The following CAMK1D variants were observed in gnomAD, a reference collection of about 807,000 sequenced individuals.
CAMK1D encodes the protein calcium/calmodulin-dependent protein kinase type 1D.
Under a neutral mutation model 47.7 loss-of-function variants are expected in CAMK1D, and 9 were observed. The ratio of observed to expected loss-of-function variants is 0.19; its 90% CI spans 0.11 to 0.33. CAMK1D has a LOEUF of 0.33. Ranked by LOEUF, CAMK1D falls within the 10% of genes least tolerant of loss-of-function variation. The pLI is 1.00. For synonymous variants in CAMK1D, 184 were observed against 184.9 expected, an observed-to-expected ratio of 0.99 and a Z score of 0.04; for missense variants, 291 against 488.7, an observed-to-expected ratio of 0.60 and a Z score of 3.81.
intron 1 of CAMK1D, among the ~76,000 whole-genome samples, chr10:12,364,998 C>T (rs1448906897): frequency 6.6e-6 from 1 of 151,730 alleles, no homozygotes; most frequent in Admixed American, 6.6e-5. Context: ...TCACTGTCAC[C>T]CAGGCTGGAG....
At chr10:12,443,029 C>A (rs545878246) in intron 1 of CAMK1D, among the ~76,000 whole-genome samples, 4 of 152,224 alleles carry the variant, frequency 2.6e-5, no homozygotes, top group African/African-American at 9.6e-5. Flanking sequence ...CGTTTCCCAT[C>A]AATTTTGAGC....
intron 2 of CAMK1D, among the ~76,000 whole-genome samples, chr10:12,652,452 G>T (rs917733097): frequency 6.6e-6 from 1 of 151,466 alleles, no homozygotes; most frequent in Non-Finnish European, 1.5e-5. Flanking sequence ...GCCGGGCGTG[G>T]TGGCGGGCGC....
At chr10:12,513,698 G>A (rs1399229448) in intron 1 of CAMK1D, among the ~76,000 whole-genome samples, 1 of 152,176 alleles carries the variant, frequency 6.6e-6, no homozygotes, top group Non-Finnish European at 1.5e-5. Context: ...CTACTCGGGA[G>A]GCTGAGGTGG....
At position 12,687,127 on chromosome 10, in the gene CAMK1D, T is replaced by C. The variant is rs961639239; in HGVS notation, c.299+20317T>C. On this transcript the variant is annotated intron_variant, in intron 3 of 10. Coordinates refer to ENST00000619168, the MANE Select transcript of CAMK1D (RefSeq NM_153498.4). ...AATATACTTGAAATAGGAAGAGACC[T>C]GAAGTGGTCCACTCTCAGAACATAT... Among the ~76,000 whole-genome samples, 4 of 152,154 alleles carry C rather than the reference T, an allele frequency of 2.6e-5. No homozygotes were observed. The South Asian group carries it at 8.3e-4, about 32-fold the overall frequency.
chr10:12,469,432 A>G (rs888816369), intron 1 of CAMK1D, among the ~76,000 whole-genome samples: 4 of 151,734 alleles, frequency 2.6e-5, no homozygotes, highest in East Asian at 1.9e-4. Context: ...GCAGATGGCA[A>G]TATATTTACG....
rs116883644 is a variant in CAMK1D at position 12,788,745 on chromosome 10, G to A, written c.566-2413G>A. On this transcript the variant is annotated intron_variant, in intron 5 of 10. Coordinates refer to ENST00000619168, the MANE Select transcript of CAMK1D (RefSeq NM_153498.4). The stretch of plus-strand genomic sequence containing the variant: ...ATAAGACAAGAGTCTTGAGAAATAC[G>A]CTCTTAGCAGTCGGGGCGGACGAGT... Among the ~76,000 whole-genome samples the A allele has an allele frequency of 6.1e-3, 922 of 152,302 alleles. 3 individuals carry two copies. Among genetic ancestry groups the A allele is most frequent in the Non-Finnish European group, 1.0e-2 (677 of 68,030 alleles).
chr10:12,674,740 A>C (rs1248171451), intron 3 of CAMK1D, among the ~76,000 whole-genome samples: 9 of 151,788 alleles, frequency 5.9e-5, no homozygotes, highest in African/African-American at 1.9e-4. Context: ...GACTTGTAGA[A>C]TATTAATCCA....
intron 1 of CAMK1D, among the ~76,000 whole-genome samples, chr10:12,387,660 T>TATTAAAA (rs1215057954): frequency 6.6e-6 from 1 of 150,742 alleles, no homozygotes; most frequent in Admixed American, 6.7e-5. Flanking sequence ...CTAATTTTTG[T>TATTAAAA]ATTTTGTTTG....
intron 1 of CAMK1D, among the ~76,000 whole-genome samples, chr10:12,483,688 A>C (rs778768793): frequency 6.8e-6 from 1 of 148,084 alleles, no homozygotes; most frequent in South Asian, 2.2e-4. Flanking sequence ...TCCAATTTTA[A>C]TTTTTTTTTC....
chr10:12,595,518 A>G (rs1202889980), intron 2 of CAMK1D, among the ~76,000 whole-genome samples: 1 of 151,876 alleles, frequency 6.6e-6, no homozygotes. Context: ...GGACCTTTGC[A>G]TCTGAGGTGG....
At chr10:12,681,983 GC>G (rs1422559232) in intron 3 of CAMK1D, among the ~76,000 whole-genome samples, 1 of 152,204 alleles carries the variant, frequency 6.6e-6, no homozygotes, top group African/African-American at 2.4e-5. Context: ...ACTTTGGGAG[GC>G]CCAGGTGGGC....
At chr10:12,571,483 AAT>A (rs1837326670) in intron 2 of CAMK1D, among the ~76,000 whole-genome samples, 1 of 151,728 alleles carries the variant, frequency 6.6e-6, no homozygotes, top group Admixed American at 6.6e-5. Context: ...AAAAAAAAGA[AAT>A]AAAGAAATGC....
At chr10:12,489,199 A>G (rs557491949) in intron 1 of CAMK1D, among the ~76,000 whole-genome samples, 4 of 152,214 alleles carry the variant, frequency 2.6e-5, no homozygotes, top group Non-Finnish European at 2.9e-5. Context: ...CGGCCTCCCA[A>G]AGTGCTGAGA....
intron 1 of CAMK1D, among the ~76,000 whole-genome samples, chr10:12,427,674 A>G (rs1188433213): frequency 7.9e-6 from 1 of 126,666 alleles, no homozygotes; most frequent in African/African-American, 3.0e-5. Flanking sequence ...GGCTGGAGAT[A>G]CTTTCCTGGC....
chr10:12,531,470 T>C (rs1281305640), intron 1 of CAMK1D, among the ~76,000 whole-genome samples: 3 of 152,198 alleles, frequency 2.0e-5, no homozygotes, highest in African/African-American at 7.2e-5. Flanking sequence ...TTAAACATAC[T>C]GTCTGTGAAC....
chr10:12,391,643 C>T (rs1296361326), intron 1 of CAMK1D, among the ~76,000 whole-genome samples: 1 of 152,052 alleles, frequency 6.6e-6, no homozygotes. Context: ...AACAAAACAC[C>T]CTAGTCGGTT....
At chr10:12,367,322 T>C (rs1245180340) in intron 1 of CAMK1D, among the ~76,000 whole-genome samples, 1 of 152,120 alleles carries the variant, frequency 6.6e-6, no homozygotes, top group African/African-American at 2.4e-5. Flanking sequence ...ATTCTTGAGG[T>C]TAGATCAGTG....
At chr10:12,402,190 C>T (rs573142526) in intron 1 of CAMK1D, among the ~76,000 whole-genome samples, 29 of 152,156 alleles carry the variant, frequency 1.9e-4, no homozygotes, top group African/African-American at 7.0e-4. Flanking sequence ...GATCTGCGTG[C>T]CTCGGCTTCC....
intron 1 of CAMK1D, among the ~76,000 whole-genome samples, chr10:12,482,235 C>T (rs774235942): frequency 6.6e-6 from 1 of 152,196 alleles, no homozygotes; most frequent in Non-Finnish European, 1.5e-5. Context: ...CCCACCCCTG[C>T]CCACTAGAGT....
Sources: gnomAD v4.1 joint callset for allele counts (sites outside exome capture counted in the v4.1 genomes callset) on GRCh38, gnomAD v4.1.1 for gene constraint, MANE v1.5 for transcripts, NCBI Gene and HGNC (gene_info 2026-07-23, HGNC 2026-07-21) for gene names.